PRKG1: variants seen among roughly 807,000 people sequenced by gnomAD.
PRKG1 encodes the protein protein kinase cGMP-dependent 1.
Under a neutral mutation model 88.1 loss-of-function variants are expected in PRKG1, and 35 were observed. The observed-to-expected ratio is 0.40, with a 90% CI of 0.30 to 0.53. The LOEUF is 0.53. Among genes scored for constraint, PRKG1 ranks in the 20% least tolerant of loss-of-function variants. The pLI, the probability that PRKG1 is intolerant of heterozygous loss-of-function variation, is 0.59. For synonymous variants in PRKG1, 303 were observed against 292.5 expected (o/e 1.04, Z -0.37); for missense variants, 540 against 839.8 (o/e 0.64, Z 4.41).
chr10:51,772,760 G>T (rs995430797), intron 3 of PRKG1, among the ~76,000 whole-genome samples: 2 of 151,920 alleles, frequency 1.3e-5, no homozygotes, highest in Admixed American at 6.6e-5. Context: ...CATCAACTCG[G>T]GCTAGGGGGT....
intron 7 of PRKG1, among the ~76,000 whole-genome samples, chr10:52,131,663 AT>A (rs1318140952): frequency 6.6e-6 from 1 of 151,794 alleles, no homozygotes; most frequent in African/African-American, 2.4e-5. Flanking sequence ...CCTGGCTAAC[AT>A]GGTGAAACCC....
chr10:52,120,626 A>G (rs1488787406), intron 7 of PRKG1, among the ~76,000 whole-genome samples: 1 of 152,200 alleles, frequency 6.6e-6, no homozygotes, highest in Non-Finnish European at 1.5e-5. Flanking sequence ...CCAGTGGGGC[A>G]AACAACATTA....
In PRKG1 at chr10:51,412,154, G is replaced by T. The variant is rs145648402; in HGVS notation, c.479-55569G>T. Among the ~76,000 whole-genome samples the T allele has an allele frequency of 2.1e-3, 312 of 146,678 alleles. 1 individual carries two copies. The highest frequency in any genetic ancestry group is 7.5e-3 in the African/African-American group (292 of 39,190). Reference sequence around the variant, plus strand: ...ACTATGAAATATTTTTTATTTAAGGGACCAAGCTGATTAAAGGAGAGAGAG... The same window carrying T: ...ACTATGAAATATTTTTTATTTAAGGTACCAAGCTGATTAAAGGAGAGAGAG... On this transcript the variant is annotated intron_variant, in intron 2 of 17. Transcript: ENST00000373980.
intron 3 of PRKG1, among the ~76,000 whole-genome samples, chr10:51,478,218 T>C (rs1840255118): frequency 6.6e-6 from 1 of 152,144 alleles, no homozygotes; most frequent in Non-Finnish European, 1.5e-5. Context: ...CTATTGAGCA[T>C]GCCTTTAAAA....
chr10:51,969,212 A>T (rs529225078), intron 5 of PRKG1, among the ~76,000 whole-genome samples: 1 of 152,268 alleles, frequency 6.6e-6, no homozygotes, highest in South Asian at 2.1e-4. Context: ...TTCAGTAGCA[A>T]ATGCAAAACC....
chr10:51,623,404 G>A (rs939152191), intron 3 of PRKG1, among the ~76,000 whole-genome samples: 1 of 152,096 alleles, frequency 6.6e-6, no homozygotes, highest in Non-Finnish European at 1.5e-5. Context: ...ATCTCCCTAT[G>A]TTGCTCAGTC....
intron 9 of PRKG1, among the ~76,000 whole-genome samples, chr10:52,197,577 T>C (rs751306688): frequency 2.0e-5 from 3 of 152,226 alleles, no homozygotes; most frequent in Non-Finnish European, 4.4e-5. Context: ...GCTGTTTTCC[T>C]TGCTAAATCA....
intron 3 of PRKG1, among the ~76,000 whole-genome samples, chr10:51,746,424 A>C (rs576569794): frequency 6.6e-6 from 1 of 151,820 alleles, no homozygotes; most frequent in South Asian, 2.1e-4. Flanking sequence ...ACTCCCTCCT[A>C]TTTGGAAGCC....
chr10:52,119,249 C>T (rs1189000143), intron 7 of PRKG1, among the ~76,000 whole-genome samples: 1 of 152,024 alleles, frequency 6.6e-6, no homozygotes, highest in East Asian at 1.9e-4. Context: ...TAAAAAGTAT[C>T]GACATGCATA....
chr10:52,198,876 A>G (rs541014327), intron 9 of PRKG1, among the ~76,000 whole-genome samples: 9 of 151,758 alleles, frequency 5.9e-5, no homozygotes, highest in African/African-American at 2.2e-4. Flanking sequence ...TCTTAAGCAT[A>G]CTTGAGATAG....
Position 51,676,100 on chromosome 10 carries a change from T to G in PRKG1, c.593-128485T>G, listed in dbSNP as rs190049207. ...GCCTGGGCAAAATAGTGAGACTTAT[T>G]TCTATTAAAACAAAAAAAAAAAGAA... On this transcript the variant is annotated intron_variant, in intron 3 of 17. Coordinates refer to ENST00000373980, the MANE Select transcript of PRKG1 (RefSeq NM_006258.4). 2.9e-3 allele frequency among the ~76,000 whole-genome samples: 445 copies of G among 151,988 alleles called. 2 individuals carry two copies. The highest frequency in any genetic ancestry group is 0.01 in the African/African-American group (427 of 41,466).
intron 2 of PRKG1, among the ~76,000 whole-genome samples, chr10:51,174,744 A>T (rs1224455998): frequency 6.6e-6 from 1 of 151,982 alleles, no homozygotes; most frequent in Non-Finnish European, 1.5e-5. Flanking sequence ...ATCACACTTT[A>T]TTTATGATCC....
chr10:51,898,355 A>G (rs528910094), intron 4 of PRKG1, among the ~76,000 whole-genome samples: 13 of 152,018 alleles, frequency 8.6e-5, no homozygotes, highest in Non-Finnish European at 1.6e-4. Flanking sequence ...TAAAATATGT[A>G]TAATATACAT....
intron 5 of PRKG1, among the ~76,000 whole-genome samples, chr10:51,986,014 T>A (rs1450431532): frequency 6.6e-6 from 1 of 152,166 alleles, no homozygotes; most frequent in East Asian, 1.9e-4. Context: ...CACAATACAC[T>A]ATAGGGTATT....
At chr10:51,921,412 C>T (rs889227537) in intron 5 of PRKG1, among the ~76,000 whole-genome samples, 133 of 152,138 alleles carry the variant, frequency 8.7e-4, no homozygotes, top group African/African-American at 3.1e-3. Context: ...TTTCCTCTTA[C>T]TGTCTTACTG....
intron 3 of PRKG1, among the ~76,000 whole-genome samples, chr10:51,781,945 C>T (rs1589281573): frequency 1.3e-5 from 2 of 151,118 alleles, no homozygotes; most frequent in Non-Finnish European, 2.9e-5. Flanking sequence ...CCCCCAACAC[C>T]CATTGTATTT....
chr10:51,762,308 C>T (rs149314347), intron 3 of PRKG1, among the ~76,000 whole-genome samples: 181 of 152,126 alleles, frequency 1.2e-3, no homozygotes, highest in African/African-American at 4.1e-3. Context: ...GCATTAGGCT[C>T]CTCATATTTG....
At chr10:51,555,045 T>C (rs1837275076) in intron 3 of PRKG1, among the ~76,000 whole-genome samples, 1 of 151,936 alleles carries the variant, frequency 6.6e-6, no homozygotes, top group Admixed American at 6.6e-5. Flanking sequence ...TTGAGAATAG[T>C]AAGGGAGAAA....
chr10:51,953,896 G>A (rs1843243026), intron 5 of PRKG1, among the ~76,000 whole-genome samples: 1 of 151,966 alleles, frequency 6.6e-6, no homozygotes, highest in African/African-American at 2.4e-5. Context: ...CTGTGACTTT[G>A]TGTTAAAGAA....
Sources: allele counts gnomAD v4.1 joint callset (sites outside exome capture counted in the v4.1 genomes callset), GRCh38; gene constraint gnomAD v4.1.1; transcripts MANE v1.5; gene names NCBI Gene and HGNC (gene_info 2026-07-23, HGNC 2026-07-21).